Variants in DLGAP2 observed in about 807,000 individuals in gnomAD.
The protein encoded by DLGAP2 is disks large-associated protein 2.
Under a neutral mutation model 100.3 loss-of-function variants are expected in DLGAP2, and 26 were observed. The observed-to-expected ratio is 0.26, with a 90% CI of 0.19 to 0.36. The LOEUF (loss-of-function observed/expected upper bound fraction) is 0.36, where lower values mean the gene tolerates loss of function less well. Ranked by LOEUF, DLGAP2 falls within the 10% of genes least tolerant of loss-of-function variation. The probability of loss-of-function intolerance (pLI) is 1.00; values close to 1 mark genes in which losing one functional copy is unlikely to be tolerated. For missense variants in DLGAP2, 1,858 were observed against 1,453.2 expected (o/e 1.28, Z -4.53); for synonymous variants, 886 against 630.1 (o/e 1.41, Z -6.08).
At chr8:881,309 G>GT (rs1231963946) in intron 1 of DLGAP2, among the ~76,000 whole-genome samples, 1 of 152,052 alleles carries the variant, frequency 6.6e-6, no homozygotes, top group East Asian at 1.9e-4. Context: ...TTATTCCTCA[G>GT]TTTTATGTAG....
chr8:1,107,403 G>T (rs1431248597), intron 2 of DLGAP2, among the ~76,000 whole-genome samples: 1 of 152,210 alleles, frequency 6.6e-6, no homozygotes, highest in Admixed American at 6.5e-5. Context: ...TCACACAGAG[G>T]TCAGCGAAGG....
At chr8:1,697,352 C>T (rs779730027) in intron 14 of DLGAP2, 53 bp downstream of exon 14, 30 of 1,535,400 alleles carry the variant, frequency 2.0e-5, no homozygotes, top group Non-Finnish European at 2.5e-5. Flanking sequence ...TCTCACTGCA[C>T]TAACGACCTG....
chr8:1,573,276 C>T, intron 6 of DLGAP2, among the ~76,000 whole-genome samples: 1 of 99,714 alleles, frequency 1.0e-5, no homozygotes, highest in African/African-American at 4.1e-5. Flanking sequence ...AGAGGGTGGA[C>T]TGTGGGGGTG....
At chr8:1,180,008 T>G (rs1797345568) in intron 2 of DLGAP2, among the ~76,000 whole-genome samples, 1 of 152,242 alleles carries the variant, frequency 6.6e-6, no homozygotes, top group Non-Finnish European at 1.5e-5. Context: ...ACTAGCCAGT[T>G]AAAGTGAACA....
intron 2 of DLGAP2, among the ~76,000 whole-genome samples, chr8:1,053,419 T>C (rs1802780479): frequency 6.6e-6 from 1 of 152,018 alleles, no homozygotes; most frequent in African/African-American, 2.4e-5. Context: ...GCAAGCTTGA[T>C]CTCCACAGAG....
chr8:1,214,404 C>T (rs538504599), intron 2 of DLGAP2, among the ~76,000 whole-genome samples: 1 of 152,286 alleles, frequency 6.6e-6, no homozygotes, highest in South Asian at 2.1e-4. Context: ...AAGGGCATCT[C>T]GTAGATTGGG....
chr8:1,702,894 T>C lies in DLGAP2; in HGVS notation c.*1488T>C, dbSNP rs563790199. 5 of 152,796 alleles carry C rather than the reference T, an allele frequency of 3.3e-5. No individual in the cohort carries two copies. In the East Asian group the frequency reaches 9.6e-4, roughly 29 times the overall value. 9.5% of individuals were successfully genotyped at this position (152,796 alleles called of 1,614,324 possible). ...CCAATACCTGGTCTTCCTTCCCGGC[T>C]TAAGGAGTACCATGTACTTAGCCAC... On this transcript the variant is annotated 3_prime_UTR_variant, in exon 15 of 15. Transcript: ENST00000637795.
At chr8:1,295,568 C>T (rs1800152375) in intron 3 of DLGAP2, among the ~76,000 whole-genome samples, 1 of 152,336 alleles carries the variant, frequency 6.6e-6, no homozygotes, top group South Asian at 2.1e-4. Flanking sequence ...TCAGCCCCCG[C>T]TCCTGGAAAC....
At chr8:1,328,082 C>T (rs1419486127) in intron 3 of DLGAP2, among the ~76,000 whole-genome samples, 1 of 151,992 alleles carries the variant, frequency 6.6e-6, no homozygotes. Flanking sequence ...CTCTGTCTCC[C>T]AGGCTGGAGT....
chr8:1,598,315 C>G (rs1796521770), intron 6 of DLGAP2, among the ~76,000 whole-genome samples: 1 of 152,154 alleles, frequency 6.6e-6, no homozygotes, highest in African/African-American at 2.4e-5. Flanking sequence ...GGATATAGGC[C>G]TGAAGTTTTC....
chr8:963,780 G>A (rs1441589526), intron 2 of DLGAP2, among the ~76,000 whole-genome samples: 3 of 151,996 alleles, frequency 2.0e-5, no homozygotes, highest in Non-Finnish European at 4.4e-5. Context: ...ATGAACAGTA[G>A]GAATTCCATT....
At chr8:1,155,669 C>G (rs1796770067) in intron 2 of DLGAP2, among the ~76,000 whole-genome samples, 1 of 151,640 alleles carries the variant, frequency 6.6e-6, no homozygotes, top group Non-Finnish European at 1.5e-5. Context: ...ACCCCCAGGC[C>G]CCTCCGAGGC....
At chr8:1,094,151 G>A (rs1804289091) in intron 2 of DLGAP2, among the ~76,000 whole-genome samples, 1 of 152,196 alleles carries the variant, frequency 6.6e-6, no homozygotes, top group Admixed American at 6.5e-5. Flanking sequence ...GCTTCTTGAT[G>A]CCAGGGCCCA....
intron 1 of DLGAP2, among the ~76,000 whole-genome samples, chr8:878,329 C>T (rs192769667): frequency 1.1e-4 from 17 of 152,080 alleles, no homozygotes; most frequent in African/African-American, 3.1e-4. Flanking sequence ...CTGAATGTAA[C>T]GGAAATCAGA....
chr8:1,303,458 A>T (rs1390301765), intron 3 of DLGAP2, among the ~76,000 whole-genome samples: 1 of 151,486 alleles, frequency 6.6e-6, no homozygotes, highest in Non-Finnish European at 1.5e-5. Context: ...TTCCTCCAAG[A>T]TTTCCCATGG....
At chr8:1,167,069 G>A (rs1797030858) in intron 2 of DLGAP2, among the ~76,000 whole-genome samples, 1 of 152,126 alleles carries the variant, frequency 6.6e-6, no homozygotes, top group Admixed American at 6.5e-5. Flanking sequence ...CCGGGAGGTT[G>A]AGGCTGCAGT....
intron 2 of DLGAP2, among the ~76,000 whole-genome samples, chr8:1,156,449 A>G (rs1463607632): frequency 2.0e-5 from 3 of 152,174 alleles, no homozygotes; most frequent in Non-Finnish European, 4.4e-5. Flanking sequence ...ACACGGTGCC[A>G]GGCCACACGC....
Position 1,440,539 on chromosome 8 carries a change from A to C in DLGAP2, c.107-60827A>C, listed in dbSNP as rs58715213. ...CTGAGTGGAATCTGTTAGCCGTGCA[A>C]ATGTTACACAATGCACATTTGCTAT... On this transcript the variant is annotated intron_variant, in intron 3 of 14. Transcript: ENST00000637795. Among the ~76,000 whole-genome samples the C allele has an allele frequency of 2.5e-3, 383 of 152,348 alleles. 2 individuals carry two copies. The highest frequency in any genetic ancestry group is 9.0e-3 in the African/African-American group (374 of 41,584).
rs768969900 is a variant in DLGAP2 at position 1,701,265 on chromosome 8, G to C, written c.3027G>C (p.Leu1009=). The change falls in exon 15 of 15, where the codon CTG becomes CTC. Residue 1009 remains leucine (L), a synonymous_variant. Coordinates refer to ENST00000637795, the MANE Select transcript of DLGAP2 (RefSeq NM_001346810.2). ...TTCCCATCACAAGAGAAAAATCCCT[G>C]GACCTGCCCGACAGACAACGCCAGG... ...GKFPITREKS[L]DLPDRQRQEA... The C allele has an allele frequency of 3.8e-5, 60 of 1,582,210 alleles. 1 individual carries two copies. The South Asian group carries it at 6.2e-4, about 16-fold the overall frequency.
Sources: gnomAD v4.1 joint callset for allele counts (sites outside exome capture counted in the v4.1 genomes callset) on GRCh38, gnomAD v4.1.1 for gene constraint, MANE v1.5 for transcripts, NCBI Gene and HGNC (gene_info 2026-07-23, HGNC 2026-07-21) for gene names.